SEC14L5: variants seen among roughly 807,000 people sequenced by gnomAD.
SEC14L5 encodes the protein SEC14-like protein 5.
In SEC14L5, 96 loss-of-function variants were observed where a neutral mutation model predicts 84.6. That is an observed-to-expected ratio of 1.13 (90% confidence interval 0.96 to 1.34). The LOEUF is 1.34. Among genes scored for constraint, SEC14L5 ranks in the 40% most tolerant of loss-of-function variants. The pLI is 0.00. For synonymous variants in SEC14L5, 546 were observed against 383.4 expected, an observed-to-expected ratio of 1.42 and a Z score of -4.95; for missense variants, 1,224 against 942.5, an observed-to-expected ratio of 1.30 and a Z score of -3.91.
At chr16:4,985,816 A>T (rs183818978) in intron 2 of SEC14L5, among the ~76,000 whole-genome samples, 46 of 150,958 alleles carry the variant, frequency 3.0e-4, no homozygotes, top group African/African-American at 1.0e-3. Context: ...TTATATAGAA[A>T]CACCCTATAT....
intron 15 of SEC14L5, 76 bp from the exon 16 acceptor site, chr16:5,014,783 T>A: frequency 8.7e-7 from 1 of 1,144,658 alleles, no homozygotes; most frequent in East Asian, 2.4e-5. Context: ...CATCAACAGC[T>A]TTTCCACTGC....
At chr16:4,996,493 G>A in intron 7 of SEC14L5, 33 bp downstream of exon 7, 1 of 1,200,610 alleles carries the variant, frequency 8.3e-7, no homozygotes, top group Non-Finnish European at 1.2e-6. Flanking sequence ...AGCAGTGGAT[G>A]AATGGGCAAT....
intron 2 of SEC14L5, among the ~76,000 whole-genome samples, chr16:4,979,890 C>T (rs2142493750): frequency 6.6e-6 from 1 of 152,334 alleles, no homozygotes; most frequent in Non-Finnish European, 1.5e-5. Context: ...CATCCTCAGC[C>T]CACCCCGATC....
intron 10 of SEC14L5, among the ~76,000 whole-genome samples, chr16:5,002,395 C>G (rs143028667): frequency 1.0e-4 from 15 of 149,516 alleles, no homozygotes; most frequent in African/African-American, 3.7e-4. Flanking sequence ...CTCCTGGGTT[C>G]AAGTGATTCT....
intron 2 of SEC14L5, among the ~76,000 whole-genome samples, chr16:4,977,481 G>GAAAAAAAGAAAAGA (rs1379055036): frequency 1.2e-5 from 1 of 86,496 alleles, no homozygotes; most frequent in African/African-American, 3.9e-5. Flanking sequence ...GAAAAAAAAA[G>GAAAAAAAGAAAAGA]AAAAGAAAAA....
chr16:4,965,984 G>C (rs1212773804), intron 2 of SEC14L5, among the ~76,000 whole-genome samples: 1 of 152,104 alleles, frequency 6.6e-6, no homozygotes, highest in Non-Finnish European at 1.5e-5. Context: ...TGAGGCTGCA[G>C]TGAGCTGTGA....
chr16:4,988,084 G>A, intron 3 of SEC14L5, 65 bp from the exon 4 acceptor site: 1 of 1,575,540 alleles, frequency 6.3e-7, no homozygotes, highest in Non-Finnish European at 8.7e-7. Flanking sequence ...CGCCGGACTC[G>A]CTCTCCATTC....
intron 2 of SEC14L5, among the ~76,000 whole-genome samples, chr16:4,960,021 G>A (rs913052904): frequency 6.6e-6 from 1 of 152,140 alleles, no homozygotes; most frequent in Non-Finnish European, 1.5e-5. Flanking sequence ...GAATGAGTGG[G>A]TAGGTTTGCT....
chr16:4,960,361 T>C (rs1479664458), intron 2 of SEC14L5, among the ~76,000 whole-genome samples: 1 of 152,106 alleles, frequency 6.6e-6, no homozygotes, highest in Non-Finnish European at 1.5e-5. Context: ...GTATTGAAAG[T>C]GTAAGAAACA....
chr16:4,963,349 AT>A (rs574014920), intron 2 of SEC14L5, among the ~76,000 whole-genome samples: 5 of 149,580 alleles, frequency 3.3e-5, no homozygotes, highest in African/African-American at 4.9e-5. Context: ...CCTCCCAACT[AT>A]TTTTTTTTTA....
In SEC14L5 at chr16:5,007,415, C is replaced by G. The variant is rs768651265; in HGVS notation, c.1501C>G (p.His501Asp). The change falls in exon 13 of 16, where the codon CAC (histidine) becomes GAC (aspartate). Residue 501 changes from histidine (H) to aspartate (D), a missense_variant. Coordinates refer to ENST00000251170, the MANE Select transcript of SEC14L5 (RefSeq NM_014692.2). Reference protein sequence around the residue: ...SLYMTEEEQEHTDQLWQWSET... With the variant: ...SLYMTEEEQEDTDQLWQWSET... ...CTACATGACAGAAGAGGAGCAGGAGCACACGGACCAGCTGTGGCAGTGGAG... is the reference window on the plus strand; with the variant it reads ...CTACATGACAGAAGAGGAGCAGGAGGACACGGACCAGCTGTGGCAGTGGAG... 6 of 1,613,702 alleles carry G rather than the reference C, an allele frequency of 3.7e-6. No homozygotes were observed. In the African/African-American group the frequency reaches 6.7e-5, roughly 18 times the overall value.
At chr16:5,014,014 C>G (rs188704462) in intron 15 of SEC14L5, among the ~76,000 whole-genome samples, 49 of 152,352 alleles carry the variant, frequency 3.2e-4, no homozygotes, top group African/African-American at 1.2e-3. Context: ...CTCTAACAAG[C>G]TCCGGGCACT....
intron 2 of SEC14L5, among the ~76,000 whole-genome samples, chr16:4,969,294 T>C (rs1955245162): frequency 6.6e-6 from 1 of 152,182 alleles, no homozygotes; most frequent in Admixed American, 6.5e-5. Flanking sequence ...ATTTTTTGAG[T>C]TTTTGCTGTG....
chr16:5,007,320 C>T (rs1955742361), intron 12 of SEC14L5, 32 bp from the exon 13 acceptor site: 5 of 1,608,940 alleles, frequency 3.1e-6, no homozygotes, highest in South Asian at 1.1e-5. Flanking sequence ...TCAACTGGCC[C>T]TGACCTGCTG....
At chr16:4,997,807 T>G (rs1040636683) in intron 8 of SEC14L5, among the ~76,000 whole-genome samples, 1 of 152,034 alleles carries the variant, frequency 6.6e-6, no homozygotes, top group Admixed American at 6.6e-5. Context: ...TGGACCCAGG[T>G]GTTCCTTGGC....
intron 2 of SEC14L5, among the ~76,000 whole-genome samples, chr16:4,975,296 C>T (rs1256796918): frequency 5.3e-5 from 8 of 151,502 alleles, no homozygotes; most frequent in African/African-American, 9.7e-5. Flanking sequence ...CACGGTGAAA[C>T]CCCGTCTCCA....
intron 15 of SEC14L5, among the ~76,000 whole-genome samples, chr16:5,013,022 A>C (rs1955824192): frequency 6.6e-6 from 1 of 152,120 alleles, no homozygotes; most frequent in Non-Finnish European, 1.5e-5. Context: ...CGGAAGGCAA[A>C]GGGTCAGGAG....
chr16:4,964,702 C>T (rs942987162), intron 2 of SEC14L5, among the ~76,000 whole-genome samples: 1 of 152,154 alleles, frequency 6.6e-6, no homozygotes, highest in South Asian at 2.1e-4. Context: ...TCCCAAAATG[C>T]TGGGATTACA....
Position 5,012,761 on chromosome 16 carries a change from C to T in SEC14L5, c.1979+1488C>T, listed in dbSNP as rs1396507659. Reference sequence around the variant, plus strand: ...CTTTACTAAAAATACAAAAATTAGCCGGGCATGCCTATAATCCCAGCTACT... The same window carrying T: ...CTTTACTAAAAATACAAAAATTAGCTGGGCATGCCTATAATCCCAGCTACT... On this transcript the variant is annotated intron_variant, in intron 15 of 15. Transcript: ENST00000251170. Among the ~76,000 whole-genome samples, 32 of 104,014 alleles carry T rather than the reference C, an allele frequency of 3.1e-4. No individual in the cohort carries two copies. In the Admixed American group the frequency reaches 3.6e-3, roughly 12 times the overall value. The allele number at this position is 104,014 out of a possible 152,430, so 68.2% of individuals were successfully genotyped here.
Sources: gnomAD v4.1 joint callset for allele counts (sites outside exome capture counted in the v4.1 genomes callset) on GRCh38, gnomAD v4.1.1 for gene constraint, MANE v1.5 for transcripts, NCBI Gene and HGNC (gene_info 2026-07-23, HGNC 2026-07-21) for gene names.